ASAP2: variants seen among roughly 807,000 people sequenced by gnomAD.
ASAP2 encodes the protein ArfGAP with SH3 domain, ankyrin repeat and PH domain 2.
Under a neutral mutation model 131.4 loss-of-function variants are expected in ASAP2, and 45 were observed. The ratio of observed to expected loss-of-function variants is 0.34; its 90% CI spans 0.27 to 0.44. The LOEUF is 0.44. ASAP2 is among the 20% of genes least tolerant of loss of function. The probability of loss-of-function intolerance (pLI) is 1.00; values close to 1 mark genes in which losing one functional copy is unlikely to be tolerated. For missense variants in ASAP2, 1,011 were observed against 1,297.0 expected, an observed-to-expected ratio of 0.78 and a Z score of 3.39; for synonymous variants, 510 against 503.0, an observed-to-expected ratio of 1.01 and a Z score of -0.19.
chr2:9,330,997 G>T (rs1670801424), intron 7 of ASAP2, among the ~76,000 whole-genome samples: 1 of 152,222 alleles, frequency 6.6e-6, no homozygotes, highest in Non-Finnish European at 1.5e-5. Context: ...GTACAACGTG[G>T]AGCTCGAGCA....
rs374930054 is a variant in ASAP2, at chr2:9,248,373, AT to A, written c.127-30933del. 1.1e-3 allele frequency among the ~76,000 whole-genome samples: 162 copies of A among 147,580 alleles called. 3 individuals are homozygous for A. The highest frequency in any genetic ancestry group is 2.3e-3 in the African/African-American group (94 of 40,450). ...GAAAACCCTTTGGTATCTTGGTGTC[AT>A]TTTTTTTTTTCTTCTGGGTAATTAG... On this transcript the variant is annotated intron_variant, in intron 1 of 27. Transcript: ENST00000281419.
At chr2:9,247,336 C>T (rs544173079) in intron 1 of ASAP2, among the ~76,000 whole-genome samples, 6 of 152,282 alleles carry the variant, frequency 3.9e-5, no homozygotes, top group African/African-American at 1.4e-4. Flanking sequence ...TGGAACTGCT[C>T]CCAGTCCGCA....
intron 25 of ASAP2, among the ~76,000 whole-genome samples, 174 bp downstream of exon 25, chr2:9,400,246 C>T (rs1444186546): frequency 7.2e-6 from 1 of 138,126 alleles, no homozygotes; most frequent in Admixed American, 7.2e-5. Context: ...CCCTCCTGCC[C>T]CCTTCCCCTC....
At chr2:9,280,404 G>A (rs1247074564) in intron 2 of ASAP2, among the ~76,000 whole-genome samples, 2 of 149,788 alleles carry the variant, frequency 1.3e-5, no homozygotes, top group South Asian at 2.1e-4. Context: ...TCCAGTTGCC[G>A]CTCTTGATTC....
Position 9,207,484 on chromosome 2 carries a change from T to C in ASAP2, c.126+254T>C, listed in dbSNP as rs1392059827. 6.6e-6 allele frequency among the ~76,000 whole-genome samples: 1 copy of C among 151,630 alleles called. No homozygotes were observed. The highest frequency in any genetic ancestry group is 2.4e-5 in the African/African-American group (1 of 41,228). On this transcript the variant is annotated intron_variant, in intron 1 of 27. Coordinates refer to ENST00000281419, the MANE Select transcript of ASAP2 (RefSeq NM_003887.3). The surrounding 1 kb of genome is among the most constrained non-coding windows in gnomAD (Gnocchi z 4.1). ...CCTCGCGGGGTTCCGCGGCCTGGTC[T>C]TTTCCCCGCAGCGCGGCCAACTTTG...
At position 9,345,012 on chromosome 2, in the gene ASAP2, T is replaced by C. The variant is rs543365513; in HGVS notation, c.1023+212T>C. 1.1e-4 allele frequency among the ~76,000 whole-genome samples: 17 copies of C among 151,864 alleles called. No individual in the cohort carries two copies. The South Asian group carries it at 3.5e-3, about 32-fold the overall frequency. ...TATGTTTTTTTTTTTTTAATTTTAA[T>C]TTTAATTTTTATTTTTTATTTTAGC... On this transcript the variant is annotated intron_variant, in intron 11 of 27. Transcript: ENST00000281419.
chr2:9,393,351 A>T, intron 23 of ASAP2, 131 bp from the exon 24 acceptor site: 1 of 828,448 alleles, frequency 1.2e-6, no homozygotes, highest in Non-Finnish European at 1.8e-6. Context: ...TGGCAAGGAA[A>T]TAGCAGCAGG....
At chr2:9,334,671 A>C in intron 7 of ASAP2, 67 bp from the exon 8 acceptor site, 1 of 1,470,474 alleles carries the variant, frequency 6.8e-7, no homozygotes, top group Non-Finnish European at 9.4e-7. Flanking sequence ...AGAAGTTTTT[A>C]ATCTGTCTGA....
At chr2:9,273,041 G>C (rs547187381) in intron 1 of ASAP2, among the ~76,000 whole-genome samples, 2 of 152,156 alleles carry the variant, frequency 1.3e-5, no homozygotes, top group African/African-American at 4.8e-5. Flanking sequence ...GTCTTTTGTG[G>C]TTCTATATAA....
chr2:9,336,104 C>T (rs1055960719), intron 9 of ASAP2: 5 of 152,118 alleles, frequency 3.3e-5, no homozygotes, highest in African/African-American at 9.7e-5. Flanking sequence ...CGTGAACATA[C>T]ATATATATAT....
At chr2:9,387,832 C>T (rs1178990630) in intron 21 of ASAP2, among the ~76,000 whole-genome samples, 2 of 152,168 alleles carry the variant, frequency 1.3e-5, no homozygotes, top group Non-Finnish European at 2.9e-5. Flanking sequence ...ACTCACACCT[C>T]CACATGGCTG....
intron 16 of ASAP2, 76 bp from the exon 17 acceptor site, chr2:9,374,679 T>C (rs1674249203): frequency 2.9e-6 from 4 of 1,386,290 alleles, no homozygotes; most frequent in Non-Finnish European, 3.9e-6. Context: ...ACCGTTAACA[T>C]GGCCTTAGAC....
intron 2 of ASAP2, among the ~76,000 whole-genome samples, chr2:9,289,643 T>G (rs115407458): frequency 6.6e-6 from 1 of 152,126 alleles, no homozygotes; most frequent in African/African-American, 2.4e-5. Flanking sequence ...AGGGAGGTCA[T>G]TGGGGTGACG....
chr2:9,399,840 A>C, intron 24 of ASAP2, 183 bp from the exon 25 acceptor site: 1 of 628,718 alleles, frequency 1.6e-6, no homozygotes, highest in Non-Finnish European at 2.8e-6. Context: ...CGTTGAATTT[A>C]GCACTTTCCT....
Position 9,376,888 on chromosome 2 carries a change from G to T in ASAP2, c.1747-20G>T. Reference sequence around the variant, plus strand: ...AATGCTCCCATTAGAATTCTGGAATGCCTTTGTTTGGTTTTTCAGGAGCCG... The same window carrying T: ...AATGCTCCCATTAGAATTCTGGAATTCCTTTGTTTGGTTTTTCAGGAGCCG... On this transcript the variant is annotated intron_variant, in intron 17 of 27. Transcript: ENST00000281419. 6.2e-7 allele frequency: 1 copy of T among 1,610,282 alleles called. No individual in the cohort carries two copies. Among genetic ancestry groups the T allele is most frequent in the Middle Eastern group, 1.7e-4 (1 of 6,060 alleles).
intron 8 of ASAP2, 66 bp downstream of exon 8, chr2:9,334,879 G>A (rs935412878): frequency 6.0e-5 from 92 of 1,532,498 alleles, no homozygotes; most frequent in Admixed American, 2.0e-4. Flanking sequence ...TCATCTAAAT[G>A]TCACTTCTGT....
At chr2:9,255,573 C>T (rs984473885) in intron 1 of ASAP2, among the ~76,000 whole-genome samples, 2 of 152,184 alleles carry the variant, frequency 1.3e-5, no homozygotes, top group African/African-American at 4.8e-5. Flanking sequence ...TCTGTGTGTC[C>T]TTGCCGTGGA....
At chr2:9,391,484 G>T (rs1191623165) in intron 23 of ASAP2, among the ~76,000 whole-genome samples, 1 of 151,820 alleles carries the variant, frequency 6.6e-6, no homozygotes, top group African/African-American at 2.4e-5. Flanking sequence ...GTACCCCAGG[G>T]TTTCTTTTTC....
chr2:9,276,902 T>C (rs1182500169), intron 1 of ASAP2, among the ~76,000 whole-genome samples: 1 of 152,132 alleles, frequency 6.6e-6, no homozygotes, highest in Non-Finnish European at 1.5e-5. Context: ...GGAAGGTGCT[T>C]AGTAAGAATG....
Sources: allele counts gnomAD v4.1 joint callset (sites outside exome capture counted in the v4.1 genomes callset), GRCh38; gene constraint gnomAD v4.1.1; non-coding constraint Gnocchi (gnomAD v3.1); transcripts MANE v1.5; gene names NCBI Gene and HGNC (gene_info 2026-07-23, HGNC 2026-07-21).